OTOF: variants seen among roughly 807,000 people sequenced by gnomAD.
OTOF encodes the protein fer-1-like family member 2.
In OTOF, 218 loss-of-function variants were observed where a neutral mutation model predicts 236.8. That is an observed-to-expected ratio of 0.92 (90% CI 0.82 to 1.03). The LOEUF (loss-of-function observed/expected upper bound fraction) is 1.03, where lower values mean the gene tolerates loss of function less well. OTOF is among the 50% of genes least tolerant of loss of function. OTOF has a pLI of 0.00. For missense variants in OTOF, 2,590 were observed against 2,694.4 expected (o/e 0.96, Z 0.86); for synonymous variants, 1,041 against 1,072.5 (o/e 0.97, Z 0.57).
At chr2:26,511,322 T>C (rs761671157) in intron 5 of OTOF, among the ~76,000 whole-genome samples, 1 of 151,558 alleles carries the variant, frequency 6.6e-6, no homozygotes, top group Non-Finnish European at 1.5e-5. Context: ...GGGGTGTAGG[T>C]GGGGCGGTAA....
At chr2:26,514,066 G>GC (rs1350081909) in intron 5 of OTOF, among the ~76,000 whole-genome samples, 3 of 152,212 alleles carry the variant, frequency 2.0e-5, no homozygotes, top group African/African-American at 7.2e-5. Flanking sequence ...CCAGCAAATG[G>GC]CCCATCTCTA....
rs74613195 is a variant in OTOF, at chr2:26,518,901, G to A, written c.327+109C>T. 3.3e-3 allele frequency: 2,601 copies of A among 793,922 alleles called. 11 individuals are homozygous for A. Among genetic ancestry groups the A allele is most frequent in the Non-Finnish European group, 3.9e-3 (1,794 of 457,144 alleles). The allele number at this position is 793,922 out of a possible 1,614,324, so 49.2% of individuals were successfully genotyped here. Reference sequence around the variant, plus strand: ...GAGTCTCCTCCTCCTGCGACACCTCGCCATGCATGAGAGGCATTCCCCAGA... The same window carrying A: ...GAGTCTCCTCCTCCTGCGACACCTCACCATGCATGAGAGGCATTCCCCAGA... On this transcript the variant is annotated intron_variant, in intron 4 of 46. Coordinates refer to ENST00000272371, the MANE Select transcript of OTOF (RefSeq NM_194248.3).
chr2:26,494,888 G>C, intron 9 of OTOF, 54 bp downstream of exon 9: 1 of 1,608,714 alleles, frequency 6.2e-7, no homozygotes, highest in Non-Finnish European at 8.5e-7. Flanking sequence ...GGGAGGGCTG[G>C]GGCCACCCTC....
intron 14 of OTOF, among the ~76,000 whole-genome samples, chr2:26,482,183 C>T (rs1453220704): frequency 2.0e-5 from 3 of 152,152 alleles, no homozygotes; most frequent in Non-Finnish European, 2.9e-5. Context: ...CAACTACTAG[C>T]TGACAAATCC....
At chr2:26,485,772 C>T (rs796078581) in intron 11 of OTOF, among the ~76,000 whole-genome samples, 3 of 152,322 alleles carry the variant, frequency 2.0e-5, no homozygotes, top group African/African-American at 7.2e-5. Context: ...GGGCTGTGTA[C>T]AGAGGTTGGC....
Position 26,473,280 on chromosome 2 carries a change from G to A in OTOF, c.3585C>T (p.Asn1195=), listed in dbSNP as rs1338036516. The change falls in exon 29 of 47, where the codon AAC becomes AAT. Residue 1195 remains asparagine (N), a synonymous_variant. Coordinates refer to ENST00000272371, the MANE Select transcript of OTOF (RefSeq NM_194248.3). The surrounding 1 kb of genome is among the most constrained non-coding windows in gnomAD (Gnocchi z 7.2). ...TGTTCAAGGGCGGGTGCAGCAGCTCGTTCTCTGGGAGGTCCTGGGGTGTTG... is the reference window on the plus strand; with the variant it reads ...TGTTCAAGGGCGGGTGCAGCAGCTCATTCTCTGGGAGGTCCTGGGGTGTTG... ...VKWFEVDLPE[N]ELLHPPLNIR... is the part of the protein sequence containing the mutation. 6.8e-6 allele frequency: 11 copies of A among 1,613,138 alleles called. No homozygotes were observed. The highest frequency in any genetic ancestry group is 1.7e-5 in the Admixed American group (1 of 59,996).
At chr2:26,485,500 T>C (rs896702283) in intron 11 of OTOF, among the ~76,000 whole-genome samples, 5 of 152,322 alleles carry the variant, frequency 3.3e-5, no homozygotes, top group African/African-American at 1.2e-4. Context: ...GACCTATGAC[T>C]GTGTGGAGGA....
intron 13 of OTOF, among the ~76,000 whole-genome samples, chr2:26,482,815 G>A: frequency 6.6e-6 from 1 of 150,516 alleles, no homozygotes; most frequent in African/African-American, 2.5e-5. Flanking sequence ...GTGTATGAGT[G>A]GGTGCATGTG....
intron 2 of OTOF, among the ~76,000 whole-genome samples, chr2:26,529,637 C>T (rs1002946071): frequency 1.2e-4 from 19 of 152,190 alleles, no homozygotes; most frequent in African/African-American, 4.6e-4. Flanking sequence ...ACTTGGAGGG[C>T]TTGGGCACAC....
Position 26,476,975 on chromosome 2 carries a change from A to G in OTOF, c.2592T>C (p.Arg864=). The G allele has an allele frequency of 6.2e-7, 1 of 1,611,792 alleles. No homozygotes were observed. The highest frequency in any genetic ancestry group is 8.5e-7 in the Non-Finnish European group (1 of 1,179,526). The change falls in exon 22 of 47, where the codon CGT becomes CGC. Residue 864 remains arginine, a synonymous_variant. Transcript: ENST00000272371. ...AGAAGAGCAGGTCCTTGGAGGGCAC[A>G]CGGGCATAGGCGACACGCTTGTTGT... is the stretch of plus-strand genomic sequence containing the variant. ...MSNNKRVAYA[R]VPSKDLLFSI... is the part of the protein sequence containing the mutation.
chr2:26,466,959 C>G, intron 35 of OTOF, 108 bp from the exon 36 acceptor site: 1 of 1,567,264 alleles, frequency 6.4e-7, no homozygotes, highest in Non-Finnish European at 8.8e-7. Flanking sequence ...AGGGCCTTCA[C>G]CCTTTAACTG....
chr2:26,477,374 C>T lies in OTOF; in HGVS notation c.2406+42G>A. 6.4e-7 allele frequency: 1 copy of T among 1,569,950 alleles called. No homozygotes were observed. The highest frequency in any genetic ancestry group is 2.3e-5 in the East Asian group (1 of 42,816). ...GGGGGTTGTGACACCTTCTCACAACCAGGCCCTCCCTCCAGCCCCCGCCGT... is the reference window on the plus strand; with the variant it reads ...GGGGGTTGTGACACCTTCTCACAACTAGGCCCTCCCTCCAGCCCCCGCCGT... On this transcript the variant is annotated intron_variant, in intron 20 of 46. Transcript: ENST00000272371. This position sits in a 1 kb window ranked among gnomAD's most constrained non-coding sequence, Gnocchi z 4.7.
At chr2:26,543,413 A>G (rs146992715) in intron 1 of OTOF, among the ~76,000 whole-genome samples, 10 of 152,324 alleles carry the variant, frequency 6.6e-5, no homozygotes, top group Non-Finnish European at 1.3e-4. Flanking sequence ...GACCATCACG[A>G]GGATGACAAG....
rs554315755 is a variant in OTOF at position 26,457,906 on chromosome 2, G to A, written c.*332C>T. The A allele has an allele frequency of 7.7e-6, 7 of 909,662 alleles. No homozygotes were observed. The South Asian group carries it at 1.1e-4, about 15-fold the overall frequency. 56.3% of individuals were successfully genotyped at this position (909,662 alleles called of 1,614,324 possible). On this transcript the variant is annotated 3_prime_UTR_variant, in exon 47 of 47. Coordinates refer to ENST00000272371, the MANE Select transcript of OTOF (RefSeq NM_194248.3). The surrounding 1 kb of genome is among the most constrained non-coding windows in gnomAD (Gnocchi z 4.4). ...GAGGACAGGCGGCCCCCGCAAGCAG[G>A]AGGCAGGCTCGGCCCAAGGCATGAA... is the stretch of plus-strand genomic sequence containing the variant.
At chr2:26,541,300 G>GCCAT (rs1172319946) in intron 1 of OTOF, among the ~76,000 whole-genome samples, 1 of 152,116 alleles carries the variant, frequency 6.6e-6, no homozygotes. Flanking sequence ...CGTGAAATCA[G>GCCAT]CCATTGCAGA....
Position 26,466,082 on chromosome 2 carries a change from AT to A in OTOF, c.4501-7del. The A allele has an allele frequency of 6.2e-7, 1 of 1,614,094 alleles. No individual in the cohort carries two copies. Among genetic ancestry groups the A allele is most frequent in the Non-Finnish European group, 8.5e-7 (1 of 1,179,980 alleles). Reference sequence around the variant, plus strand: ...GCAGGGTGCAGGTCCGTGGCCTGGAATGGGGAGAAGGGCTGCCTGAGCAGGC... The same window carrying A: ...GCAGGGTGCAGGTCCGTGGCCTGGAAGGGGAGAAGGGCTGCCTGAGCAGGC... On this transcript the variant is annotated splice_polypyrimidine_tract_variant and splice_region_variant and intron_variant, in intron 36 of 46. Transcript: ENST00000272371.
intron 13 of OTOF, among the ~76,000 whole-genome samples, chr2:26,482,973 A>C (rs1268691260): frequency 1.6e-5 from 1 of 61,726 alleles, no homozygotes. Context: ...GTGAGTGGGT[A>C]TGCGTGCGTG....
Position 26,476,993 on chromosome 2 carries a change from C to T in OTOF, c.2574G>A (p.Lys858=). ...AGGGCACACGGGCATAGGCGACACG[C>T]TTGTTGTTGCTCATCATCCAGATGA... ...DIFIWMMSNN[K]RVAYARVPSK... is the part of the protein sequence containing the mutation. The change falls in exon 22 of 47, where the codon AAG becomes AAA. Residue 858 remains lysine (K), a synonymous_variant. Coordinates refer to ENST00000272371, the MANE Select transcript of OTOF (RefSeq NM_194248.3). The T allele has an allele frequency of 1.2e-6, 2 of 1,610,354 alleles. No homozygotes were observed. The highest frequency in any genetic ancestry group is 1.7e-6 in the Non-Finnish European group (2 of 1,178,886).
At chr2:26,459,870 A>G (rs958781931) in intron 46 of OTOF, 138 bp downstream of exon 46, 5 of 823,726 alleles carry the variant, frequency 6.1e-6, no homozygotes, top group Non-Finnish European at 9.6e-6. Context: ...TGCGTGGCAC[A>G]TGTGTGCATA....
Sources: gnomAD v4.1 joint callset for allele counts (sites outside exome capture counted in the v4.1 genomes callset) on GRCh38, gnomAD v4.1.1 for gene constraint, Gnocchi (gnomAD v3.1) non-coding constraint, MANE v1.5 for transcripts, NCBI Gene and HGNC (gene_info 2026-07-23, HGNC 2026-07-21) for gene names.